Variants in LYN observed in about 807,000 individuals in gnomAD.
LYN encodes tyrosine-protein kinase Lyn.
In LYN, 12 loss-of-function variants were observed where a neutral mutation model predicts 65.0. The ratio of observed to expected loss-of-function variants is 0.18; its 90% CI spans 0.12 to 0.30. The LOEUF (loss-of-function observed/expected upper bound fraction) is 0.30, where lower values mean the gene tolerates loss of function less well. Ranked by LOEUF, LYN falls within the 10% of genes least tolerant of loss-of-function variation. The pLI is 1.00. For synonymous variants in LYN, 222 were observed against 221.2 expected (o/e 1.00, Z -0.03); for missense variants, 380 against 623.2 (o/e 0.61, Z 4.16).
chr8:55,926,252 C>T (rs2130442795), intron 1 of LYN, among the ~76,000 whole-genome samples: 1 of 152,308 alleles, frequency 6.6e-6, no homozygotes, highest in East Asian at 1.9e-4. Flanking sequence ...CATTGAATGG[C>T]ATCATGCAGT....
chr8:55,888,963 T>C (rs1357781400), intron 1 of LYN, among the ~76,000 whole-genome samples: 1 of 152,232 alleles, frequency 6.6e-6, no homozygotes, highest in African/African-American at 2.4e-5. Flanking sequence ...ATTTCAAATT[T>C]GATAGATGCC....
intron 12 of LYN, among the ~76,000 whole-genome samples, chr8:56,008,135 AAAAT>A (rs1249238398): frequency 2.1e-5 from 3 of 145,308 alleles, no homozygotes; most frequent in Non-Finnish European, 4.5e-5. Context: ...AAAATAAAAT[AAAAT>A]AAAATAAAAT....
At chr8:55,994,278 T>C (rs1213853710) in intron 10 of LYN, among the ~76,000 whole-genome samples, 1 of 152,242 alleles carries the variant, frequency 6.6e-6, no homozygotes, top group Non-Finnish European at 1.5e-5. Flanking sequence ...GCTTTTATTT[T>C]GCTCCCATAT....
At chr8:55,940,135 C>G (rs558502881) in intron 1 of LYN, 4 of 152,380 alleles carry the variant, frequency 2.6e-5, no homozygotes, top group Admixed American at 6.5e-5. Context: ...ATTCCTCCCC[C>G]ACGAGATATT....
intron 1 of LYN, among the ~76,000 whole-genome samples, chr8:55,926,554 A>G (rs1242889473): frequency 6.6e-6 from 1 of 152,220 alleles, no homozygotes; most frequent in Non-Finnish European, 1.5e-5. Context: ...TCTGAACCTA[A>G]AATTGAAGAA....
chr8:56,008,270 T>C (rs954604712), intron 12 of LYN, among the ~76,000 whole-genome samples: 15 of 152,232 alleles, frequency 9.9e-5, no homozygotes, highest in African/African-American at 3.6e-4. Context: ...AAGAAGGTTC[T>C]GTTTCAAATC....
At chr8:55,894,593 C>T (rs183659130) in intron 1 of LYN, among the ~76,000 whole-genome samples, 77 of 151,198 alleles carry the variant, frequency 5.1e-4, no homozygotes, top group African/African-American at 1.7e-3. Context: ...AGTTCATTGG[C>T]GCTATCTTGG....
chr8:55,942,350 T>C (rs1806640511), intron 2 of LYN, among the ~76,000 whole-genome samples: 1 of 145,024 alleles, frequency 6.9e-6, no homozygotes, highest in Non-Finnish European at 1.5e-5. Flanking sequence ...TATGTGTATA[T>C]ATATGTGTAT....
At chr8:55,946,860 T>G (rs564501465) in intron 3 of LYN, among the ~76,000 whole-genome samples, 31 of 152,210 alleles carry the variant, frequency 2.0e-4, no homozygotes, top group Non-Finnish European at 3.4e-4. Flanking sequence ...TGTGTTTGGA[T>G]TATTTCACTT....
rs1328022831 is a variant in LYN, at chr8:56,013,639, A to T, written c.*3529A>T. The stretch of plus-strand genomic sequence containing the variant: ...TCCAGGGGCGGTAGCTGCTAAAAGG[A>T]CTCAATTCTGCAACCTCAGCTTCTG... On this transcript the variant is annotated 3_prime_UTR_variant, in exon 13 of 13. Coordinates refer to ENST00000519728, the MANE Select transcript of LYN (RefSeq NM_002350.4). 6.6e-6 allele frequency: 1 copy of T among 151,974 alleles called. No homozygotes were observed. The highest frequency in any genetic ancestry group is 2.1e-4 in the South Asian group (1 of 4,814). The allele number at this position is 151,974 out of a possible 1,614,324, so 9.4% of individuals were successfully genotyped here.
At chr8:55,911,473 C>G (rs1425876394) in intron 1 of LYN, among the ~76,000 whole-genome samples, 1 of 150,584 alleles carries the variant, frequency 6.6e-6, no homozygotes, top group Admixed American at 6.7e-5. Context: ...ATGAAATACT[C>G]AAGGAATTGC....
At chr8:55,911,301 T>TTA (rs1805632104) in intron 1 of LYN, among the ~76,000 whole-genome samples, 2 of 97,086 alleles carry the variant, frequency 2.1e-5, no homozygotes, top group African/African-American at 7.5e-5. Context: ...TTTTTTTTTT[T>TTA]AGTAGAGACA....
chr8:55,977,476 G>A (rs1291705678), intron 10 of LYN, among the ~76,000 whole-genome samples: 1 of 152,102 alleles, frequency 6.6e-6, no homozygotes, highest in Non-Finnish European at 1.5e-5. Flanking sequence ...TTTGACTTTT[G>A]GAGAATCACA....
intron 1 of LYN, among the ~76,000 whole-genome samples, chr8:55,898,265 C>T (rs7002800): frequency 0.87 from 131,832 of 152,162 alleles, 57,388 homozygotes; most frequent in East Asian, 0.98. Flanking sequence ...GTTTTATTGT[C>T]TTTTATAATA....
chr8:55,936,972 T>C (rs930416743), intron 1 of LYN, among the ~76,000 whole-genome samples: 1 of 147,858 alleles, frequency 6.8e-6, no homozygotes, highest in Non-Finnish European at 1.5e-5. Flanking sequence ...TTATCCCTTT[T>C]CTACCCCCCA....
intron 8 of LYN, among the ~76,000 whole-genome samples, chr8:55,959,450 TG>T (rs1394922826): frequency 6.6e-6 from 1 of 152,234 alleles, no homozygotes; most frequent in African/African-American, 2.4e-5. Context: ...AAAGAAATTG[TG>T]CAGGTAAGTT....
rs763388666 is a variant in LYN, at chr8:55,966,830, C to T, written c.906C>T (p.Leu302=). Residue 302 remains leucine, a synonymous_variant, in exon 9 of 13, where the codon CTC becomes CTT. Coordinates refer to ENST00000519728, the MANE Select transcript of LYN (RefSeq NM_002350.4). ...NLMKTLQHDK[L]VRLYAVVTRE... is the part of the protein sequence containing the mutation. ...TGAAGACCCTGCAGCATGACAAGCT[C>T]GTGAGGCTCTACGCTGTGGTCACCA... 9.3e-6 allele frequency: 15 copies of T among 1,613,990 alleles called. No homozygotes were observed. The highest frequency in any genetic ancestry group is 6.7e-5 in the African/African-American group (5 of 74,902).
intron 1 of LYN, among the ~76,000 whole-genome samples, chr8:55,930,355 A>C (rs1806225472): frequency 6.6e-6 from 1 of 152,104 alleles, no homozygotes; most frequent in Admixed American, 6.6e-5. Context: ...TAAGCTGACA[A>C]CTCTTAAAGT....
intron 10 of LYN, among the ~76,000 whole-genome samples, chr8:55,988,895 A>G (rs148835627): frequency 1.5e-3 from 225 of 152,120 alleles, no homozygotes; most frequent in African/African-American, 5.0e-3. Context: ...AAAAAAACCC[A>G]AAAAACAAAA....
Sources: gnomAD v4.1 joint callset for allele counts (sites outside exome capture counted in the v4.1 genomes callset) on GRCh38, gnomAD v4.1.1 for gene constraint, MANE v1.5 for transcripts, NCBI Gene and HGNC (gene_info 2026-07-23, HGNC 2026-07-21) for gene names.